Variants in TP63 observed in about 807,000 individuals in gnomAD.
TP63 encodes the protein tumor protein 63.
In TP63, 17 loss-of-function variants were observed where a neutral mutation model predicts 82.8. The observed-to-expected ratio is 0.21, with a 90% CI of 0.14 to 0.31. TP63 has a LOEUF of 0.31. Ranked by LOEUF, TP63 falls within the 10% of genes least tolerant of loss-of-function variation. The pLI is 1.00. For missense variants in TP63, 648 were observed against 895.3 expected (o/e 0.72, Z 3.52); for synonymous variants, 330 against 321.7 (o/e 1.03, Z -0.28).
At chr3:189,657,422 A>G (rs1350576082) in intron 1 of TP63, among the ~76,000 whole-genome samples, 2 of 152,124 alleles carry the variant, frequency 1.3e-5, no homozygotes, top group Non-Finnish European at 2.9e-5. Context: ...GATTAGTGAA[A>G]CAACCTCACT....
intron 1 of TP63, among the ~76,000 whole-genome samples, chr3:189,709,662 A>AT (rs1332757061): frequency 2.0e-5 from 3 of 152,124 alleles, no homozygotes; most frequent in African/African-American, 7.2e-5. Flanking sequence ...AATAATAATA[A>AT]AAAAGAATTA....
At chr3:189,724,622 A>G (rs1206848133) in intron 1 of TP63, among the ~76,000 whole-genome samples, 1 of 152,176 alleles carries the variant, frequency 6.6e-6, no homozygotes, top group Non-Finnish European at 1.5e-5. Context: ...GACATTCTCT[A>G]ATAATTTCTT....
intron 3 of TP63, among the ~76,000 whole-genome samples, chr3:189,793,826 G>A (rs1281567179): frequency 6.6e-6 from 1 of 152,030 alleles, no homozygotes; most frequent in East Asian, 1.9e-4. Context: ...TTAAACCCAA[G>A]TGGGCGCTCA....
At chr3:189,705,131 A>G (rs1421063945) in intron 1 of TP63, among the ~76,000 whole-genome samples, 1 of 152,222 alleles carries the variant, frequency 6.6e-6, no homozygotes, top group Non-Finnish European at 1.5e-5. Context: ...CTAACAACCC[A>G]GGTTTCTCAA....
Position 189,808,543 on chromosome 3 carries a change from C to T in TP63, c.579+17C>T, listed in dbSNP as rs772881003. ...ACCTGGACGGTAAGAGCAGCGGGCA[C>T]GCACATACCTGACCCCCCAAGTCCA... On this transcript the variant is annotated intron_variant, in intron 4 of 13. Transcript: ENST00000264731. The T allele has an allele frequency of 4.3e-6, 7 of 1,612,578 alleles. No homozygotes were observed. Among genetic ancestry groups the T allele is most frequent in the East Asian group, 2.2e-5 (1 of 44,900 alleles).
At chr3:189,696,911 C>T (rs77679907) in intron 1 of TP63, among the ~76,000 whole-genome samples, 5,656 of 152,074 alleles carry the variant, frequency 0.037, 204 homozygotes, top group Admixed American at 0.1. Flanking sequence ...TTTAAGAGTT[C>T]ATTGTATATT....
intron 10 of TP63, among the ~76,000 whole-genome samples, chr3:189,875,669 T>G (rs1172080554): frequency 7.2e-6 from 1 of 138,060 alleles, no homozygotes; most frequent in African/African-American, 2.7e-5. Context: ...AGTTTGATAG[T>G]CTGTCTTATA....
intron 1 of TP63, among the ~76,000 whole-genome samples, chr3:189,708,195 A>T (rs140624823): frequency 6.6e-6 from 1 of 152,326 alleles, no homozygotes; most frequent in Admixed American, 6.5e-5. Context: ...GTTTACTAAC[A>T]TTGAATTCAA....
At position 189,889,397 on chromosome 3, in the gene TP63, C is replaced by T. The variant is rs928205074; in HGVS notation, c.1565C>T (p.Thr522Ile). ...MAGDMNGLSP[T>I]QALPPPLSMP... Reference sequence around the variant, plus strand: ...GGAGACATGAATGGACTCAGCCCCACCCAGGCACTCCCTCCCCCACTCTCC... The same window carrying T: ...GGAGACATGAATGGACTCAGCCCCATCCAGGCACTCCCTCCCCCACTCTCC... The change falls in exon 12 of 14, where the codon ACC (threonine) becomes ATC (isoleucine). Residue 522 changes from threonine (T) to isoleucine (I), a missense_variant. Physicochemically the swap from Thr to Ile is moderately conservative, Grantham distance 89. Transcript: ENST00000264731. 4.3e-6 allele frequency: 7 copies of T among 1,613,994 alleles called. No individual in the cohort carries two copies. Among genetic ancestry groups the T allele is most frequent in the Non-Finnish European group, 5.1e-6 (6 of 1,180,006 alleles).
chr3:189,749,764 T>A (rs2108519708), intron 3 of TP63, among the ~76,000 whole-genome samples: 1 of 152,212 alleles, frequency 6.6e-6, no homozygotes, highest in South Asian at 2.1e-4. Flanking sequence ...CACCTATGTG[T>A]CCATCAATTA....
At chr3:189,711,767 G>A (rs1482279796) in intron 1 of TP63, among the ~76,000 whole-genome samples, 3 of 152,166 alleles carry the variant, frequency 2.0e-5, no homozygotes, top group Admixed American at 6.5e-5. Context: ...TTTCTTTCAT[G>A]TGGGTATAAT....
At chr3:189,675,986 C>A (rs1715360918) in intron 1 of TP63, among the ~76,000 whole-genome samples, 1 of 150,306 alleles carries the variant, frequency 6.7e-6, no homozygotes, top group Non-Finnish European at 1.5e-5. Flanking sequence ...CTTTGAAAAA[C>A]CATTAGTAAA....
chr3:189,635,494 T>C (rs779739049), intron 1 of TP63, among the ~76,000 whole-genome samples: 1 of 152,088 alleles, frequency 6.6e-6, no homozygotes, highest in African/African-American at 2.4e-5. Context: ...TCTTTTCTTC[T>C]CTGGTTTCCT....
chr3:189,648,528 A>C (rs1165965027), intron 1 of TP63, among the ~76,000 whole-genome samples: 6 of 147,072 alleles, frequency 4.1e-5, no homozygotes, highest in Non-Finnish European at 7.4e-5. Flanking sequence ...ACATTTACTT[A>C]TATTGCTTTT....
intron 4 of TP63, among the ~76,000 whole-genome samples, chr3:189,831,890 C>T (rs984596019): frequency 6.5e-4 from 77 of 118,328 alleles, no homozygotes; most frequent in Non-Finnish European, 6.4e-4. Context: ...AGGGCGGTGG[C>T]GTGATATCTC....
chr3:189,892,558 C>T (rs1435517334), intron 13 of TP63, among the ~76,000 whole-genome samples: 6 of 152,054 alleles, frequency 3.9e-5, no homozygotes, highest in African/African-American at 1.2e-4. Context: ...TTTGGGAGGC[C>T]GAGGCAGGCG....
chr3:189,891,225 G>A (rs1720985621), intron 13 of TP63, among the ~76,000 whole-genome samples: 1 of 152,142 alleles, frequency 6.6e-6, no homozygotes, highest in South Asian at 2.1e-4. Context: ...TCATTAATCT[G>A]TATCAGTTCC....
intron 3 of TP63, among the ~76,000 whole-genome samples, chr3:189,773,789 AG>A (rs1490232137): frequency 6.6e-6 from 1 of 152,102 alleles, no homozygotes; most frequent in Non-Finnish European, 1.5e-5. Flanking sequence ...GAGATCATGA[AG>A]GTCATCAGAT....
chr3:189,733,355 CATT>C (rs1212729841), intron 1 of TP63, among the ~76,000 whole-genome samples: 5 of 152,166 alleles, frequency 3.3e-5, no homozygotes, highest in Non-Finnish European at 7.3e-5. Context: ...ATGTTGGTCA[CATT>C]ATCTATCAGT....
Sources: gnomAD v4.1 joint callset for allele counts (sites outside exome capture counted in the v4.1 genomes callset) on GRCh38, gnomAD v4.1.1 for gene constraint, MANE v1.5 for transcripts, NCBI Gene and HGNC (gene_info 2026-07-23, HGNC 2026-07-21) for gene names.